USP36: variants seen among roughly 807,000 people sequenced by gnomAD.
USP36 encodes ubiquitin specific peptidase 36, also known as ubiquitin carboxyl-terminal hydrolase 36.
In USP36, 59 loss-of-function variants were observed where a neutral mutation model predicts 111.5. The ratio of observed to expected loss-of-function variants is 0.53; its 90% CI spans 0.43 to 0.66. USP36 has a LOEUF of 0.66. Among genes scored for constraint, USP36 ranks in the 30% least tolerant of loss-of-function variants. The probability of loss-of-function intolerance (pLI) is 0.00; values close to 1 mark genes in which losing one functional copy is unlikely to be tolerated. For synonymous variants in USP36, 628 were observed against 581.0 expected (o/e 1.08, Z -1.16); for missense variants, 1,488 against 1,468.0 (o/e 1.01, Z -0.22).
chr17:78,799,558 C>T (rs1284485724), intron 18 of USP36, 109 bp downstream of exon 18: 37 of 970,404 alleles, frequency 3.8e-5, no homozygotes, highest in African/African-American at 2.8e-4. Flanking sequence ...CAAAGCCGAG[C>T]GATGCCCGCC....
At chr17:78,835,012 T>TATAC (rs1301613266) in intron 4 of USP36, among the ~76,000 whole-genome samples, 31 of 150,108 alleles carry the variant, frequency 2.1e-4, no homozygotes, top group Non-Finnish European at 3.3e-4. Context: ...TATATATATA[T>TATAC]ATATATTTTG....
chr17:78,809,743 C>G (rs1599012399), intron 13 of USP36, among the ~76,000 whole-genome samples: 1 of 151,976 alleles, frequency 6.6e-6, no homozygotes, highest in Non-Finnish European at 1.5e-5. Context: ...CCTGCCTCAA[C>G]CTCCAAACAG....
intron 8 of USP36, among the ~76,000 whole-genome samples, chr17:78,820,500 A>G (rs2094293616): frequency 6.6e-6 from 1 of 152,118 alleles, no homozygotes; most frequent in Admixed American, 6.6e-5. Flanking sequence ...CAAAGAAATG[A>G]CAGCTGCAGG....
intron 1 of USP36, 62 bp from the exon 2 acceptor site, chr17:78,838,812 A>G (rs544423631): frequency 1.3e-5 from 2 of 152,398 alleles, no homozygotes; most frequent in East Asian, 3.9e-4. Context: ...CTCTTCAGCT[A>G]CTTCCCAGGG....
intron 6 of USP36, among the ~76,000 whole-genome samples, chr17:78,823,775 A>G (rs146974392): frequency 2.6e-3 from 402 of 152,288 alleles, no homozygotes; most frequent in African/African-American, 9.5e-3. Flanking sequence ...GTCCTGAAAA[A>G]AACTCAAAAC....
At chr17:78,806,613 C>T (rs1007902807) in intron 14 of USP36, among the ~76,000 whole-genome samples, 6 of 152,190 alleles carry the variant, frequency 3.9e-5, no homozygotes, top group Non-Finnish European at 5.9e-5. Context: ...GCTTCCTGCC[C>T]GCCCCACCCC....
chr17:78,827,941 C>T (rs1005441410), intron 5 of USP36, among the ~76,000 whole-genome samples: 1 of 152,008 alleles, frequency 6.6e-6, no homozygotes, highest in Non-Finnish European at 1.5e-5. Flanking sequence ...ATGTAAAATC[C>T]GGCAGGATGC....
At chr17:78,791,204 G>A (rs1427655844), downstream of USP36, among the ~76,000 whole-genome samples, 4 of 147,680 alleles carry the variant, frequency 2.7e-5, no homozygotes, top group African/African-American at 5.1e-5. Context: ...GTGCGATCTC[G>A]GCTCACCGCA....
At chr17:78,834,020 T>C (rs1438612912) in intron 4 of USP36, among the ~76,000 whole-genome samples, 1 of 152,016 alleles carries the variant, frequency 6.6e-6, no homozygotes, top group Non-Finnish European at 1.5e-5. Context: ...GCCAAGGCGG[T>C]TGGATCACCT....
At chr17:78,832,063 C>A (rs763073744) in intron 4 of USP36, among the ~76,000 whole-genome samples, 3 of 151,544 alleles carry the variant, frequency 2.0e-5, no homozygotes, top group Non-Finnish European at 4.4e-5. Context: ...GGCACATGGA[C>A]AAATATTTAT....
At chr17:78,833,008 C>T (rs376191854) in intron 4 of USP36, among the ~76,000 whole-genome samples, 5 of 151,956 alleles carry the variant, frequency 3.3e-5, no homozygotes, top group Admixed American at 1.3e-4. Context: ...ATTAGCCAGG[C>T]GTGGTGGCGG....
intron 4 of USP36, among the ~76,000 whole-genome samples, chr17:78,830,141 T>G (rs1266883185): frequency 6.6e-6 from 1 of 152,236 alleles, no homozygotes; most frequent in Non-Finnish European, 1.5e-5. Flanking sequence ...TCCATGTACC[T>G]TCATTCAAAG....
Position 78,798,163 on chromosome 17 carries a change from T to G in USP36, c.*20+237A>C. On this transcript the variant is annotated intron_variant, in intron 20 of 20. Coordinates refer to ENST00000449938, the MANE Select transcript of USP36 (RefSeq NM_001385174.1). The surrounding 1 kb of genome is among the most constrained non-coding windows in gnomAD (Gnocchi z 5.1). ...AACACACACTACACACACCCCCTTA[T>G]ACACACGCATCCCACACACACCCCC... 1.9e-6 allele frequency: 1 copy of G among 530,052 alleles called. No individual in the cohort carries two copies. The highest frequency in any genetic ancestry group is 3.3e-6 in the Non-Finnish European group (1 of 299,084). 32.8% of individuals were successfully genotyped at this position (530,052 alleles called of 1,614,324 possible). A position where few individuals can be genotyped will look rare whatever the true frequency, so the allele number is the denominator to read the frequency against.
In USP36 at chr17:78,808,440, G is replaced by A. The variant is rs149956146; in HGVS notation, c.1408-804C>T. Among the ~76,000 whole-genome samples the A allele has an allele frequency of 2.6e-3, 392 of 152,220 alleles. 5 individuals carry two copies. Among genetic ancestry groups the A allele is most frequent in the African/African-American group, 9.2e-3 (382 of 41,532 alleles). On this transcript the variant is annotated intron_variant, in intron 13 of 20. Transcript: ENST00000449938. ...TAATTATTACTATTTTGTAGAGATG[G>A]GGATCTTGCTATGTTGCCCCGGCTA...
At chr17:78,827,100 T>C (rs2067619012) in intron 6 of USP36, 145 bp downstream of exon 6, 1 of 879,160 alleles carries the variant, frequency 1.1e-6, no homozygotes, top group South Asian at 1.4e-5. Context: ...ACAGTTTGAG[T>C]ACCCAGAGGC....
chr17:78,840,372 A>T (rs2069160656), intron 1 of USP36: 1 of 152,096 alleles, frequency 6.6e-6, no homozygotes, highest in African/African-American at 2.4e-5. Context: ...GCCGCACGCG[A>T]CGCCCTCGCC....
intron 10 of USP36, 33 bp downstream of exon 10, chr17:78,818,634 G>C: frequency 6.3e-7 from 1 of 1,596,326 alleles, no homozygotes; most frequent in African/African-American, 1.3e-5. Context: ...TGTGGCCCAC[G>C]GAGCTGCCTG....
In USP36 at chr17:78,798,767, C is replaced by T. The variant is rs996982653; in HGVS notation, c.3240+141G>A. 148 of 1,228,840 alleles carry T rather than the reference C, an allele frequency of 1.2e-4. No individual in the cohort carries two copies. The African/African-American group carries it at 1.3e-3, about 11-fold the overall frequency. The allele number at this position is 1,228,840 out of a possible 1,614,324, so 76.1% of individuals were successfully genotyped here. A position where few individuals can be genotyped will look rare whatever the true frequency, so the allele number is the denominator to read the frequency against. The stretch of plus-strand genomic sequence containing the variant: ...GATGCATGCCCTGTCCATGGCCACA[C>T]GCCCGGACAGGCCTGGGCAGCCTGG... On this transcript the variant is annotated intron_variant, in intron 19 of 20. Coordinates refer to ENST00000449938, the MANE Select transcript of USP36 (RefSeq NM_001385174.1). The surrounding 1 kb of genome is among the most constrained non-coding windows in gnomAD (Gnocchi z 5.1).
chr17:78,840,541 G>A (rs1304776831), intron 1 of USP36, 195 bp downstream of exon 1: 1 of 152,268 alleles, frequency 6.6e-6, no homozygotes, highest in African/African-American at 2.4e-5. Context: ...CTCTGGAGAA[G>A]CGAGCTCGCG....
Sources: allele counts gnomAD v4.1 joint callset (sites outside exome capture counted in the v4.1 genomes callset), GRCh38; gene constraint gnomAD v4.1.1; non-coding constraint Gnocchi (gnomAD v3.1); transcripts MANE v1.5; gene names NCBI Gene and HGNC (gene_info 2026-07-23, HGNC 2026-07-21).